The following KCNN2 variants were observed in gnomAD, a reference collection of about 807,000 sequenced individuals.
The protein encoded by KCNN2 is small conductance calcium-activated potassium channel protein 2.
Under a neutral mutation model 55.5 loss-of-function variants are expected in KCNN2, and 24 were observed. The observed-to-expected ratio is 0.43, with a 90% CI of 0.31 to 0.61. KCNN2 has a LOEUF of 0.61. Among genes scored for constraint, KCNN2 ranks in the 20% least tolerant of loss-of-function variants. The probability of loss-of-function intolerance (pLI) is 0.08; values close to 1 mark genes in which losing one functional copy is unlikely to be tolerated. For synonymous variants in KCNN2, 431 were observed against 336.1 expected, an observed-to-expected ratio of 1.28 and a Z score of -3.09; for missense variants, 754 against 853.6, an observed-to-expected ratio of 0.88 and a Z score of 1.45.
At chr5:114,158,559 T>C (rs1580569861) in intron 1 of KCNN2, among the ~76,000 whole-genome samples, 1 of 152,070 alleles carries the variant, frequency 6.6e-6, no homozygotes, top group Non-Finnish European at 1.5e-5. Context: ...GGTAGCTTGA[T>C]GGGGATGGCA....
At chr5:114,163,698 T>C (rs1388770751) in intron 1 of KCNN2, among the ~76,000 whole-genome samples, 1 of 152,170 alleles carries the variant, frequency 6.6e-6, no homozygotes, top group East Asian at 1.9e-4. Flanking sequence ...GATGTGCATC[T>C]CCTGGTAATA....
At chr5:114,386,605 T>C (rs1199902987) in intron 2 of KCNN2, among the ~76,000 whole-genome samples, 1 of 152,222 alleles carries the variant, frequency 6.6e-6, no homozygotes, top group African/African-American at 2.4e-5. Context: ...TAGGTTTGAA[T>C]TTAATGTGAT....
rs552369800 is a variant in KCNN2, at chr5:114,161,166, C to T, written c.-270-60314C>T. 1.9e-4 allele frequency among the ~76,000 whole-genome samples: 29 copies of T among 152,232 alleles called. No individual in the cohort carries two copies. The East Asian group carries it at 2.3e-3, about 12-fold the overall frequency. ...ACTGGTTTTTCCTTTCCATGTTTAGCGCTTCCTTCAGGAGCTCTTTTAGGG... is the reference window on the plus strand; with the variant it reads ...ACTGGTTTTTCCTTTCCATGTTTAGTGCTTCCTTCAGGAGCTCTTTTAGGG... On this transcript the variant is annotated intron_variant, in intron 1 of 10. Transcript: ENST00000512097.
chr5:114,473,019 A>G (rs1352093188), intron 4 of KCNN2, 35 bp from the exon 5 acceptor site: 1 of 1,290,904 alleles, frequency 7.7e-7, no homozygotes, highest in Non-Finnish European at 1.1e-6. Flanking sequence ...AGTAGTTAGT[A>G]ATGCTTTGGG....
chr5:114,309,355 AG>A, intron 2 of KCNN2, among the ~76,000 whole-genome samples: 1 of 152,200 alleles, frequency 6.6e-6, no homozygotes, highest in Non-Finnish European at 1.5e-5. Context: ...CACGGGAAGC[AG>A]GCTCACACAA....
intron 1 of KCNN2, among the ~76,000 whole-genome samples, chr5:114,157,369 T>G (rs1580568261): frequency 6.6e-6 from 1 of 152,078 alleles, no homozygotes; most frequent in Non-Finnish European, 1.5e-5. Context: ...TATTCCCTGG[T>G]GTATATGTGC....
chr5:114,189,148 G>GTGTC (rs1753398545), intron 1 of KCNN2, among the ~76,000 whole-genome samples: 1 of 151,592 alleles, frequency 6.6e-6, no homozygotes, highest in African/African-American at 2.4e-5. Context: ...GTGTGTGTGT[G>GTGTC]TGTGTGTATG....
chr5:114,285,054 G>A (rs1368858883), intron 2 of KCNN2, among the ~76,000 whole-genome samples: 4 of 151,394 alleles, frequency 2.6e-5, no homozygotes, highest in East Asian at 2.0e-4. Context: ...AGGCTGAGGC[G>A]GGCGGATCAC....
At chr5:114,413,262 C>CTTGTTTTGTT (rs1002000419) in intron 3 of KCNN2, among the ~76,000 whole-genome samples, 4 of 152,168 alleles carry the variant, frequency 2.6e-5, no homozygotes, top group Admixed American at 6.5e-5. Context: ...AGATATGCTT[C>CTTGTTTTGTT]TTGTTTTGTT....
chr5:114,304,827 T>C (rs1004506998), intron 2 of KCNN2, among the ~76,000 whole-genome samples: 2 of 152,214 alleles, frequency 1.3e-5, no homozygotes, highest in African/African-American at 4.8e-5. Flanking sequence ...GTAGTGTACA[T>C]GTTACCTTCA....
At chr5:114,133,702 A>G (rs1752114373) in intron 1 of KCNN2, among the ~76,000 whole-genome samples, 1 of 152,222 alleles carries the variant, frequency 6.6e-6, no homozygotes, top group Non-Finnish European at 1.5e-5. Flanking sequence ...TCAGGTCTTT[A>G]TATGGGGAAT....
intron 2 of KCNN2, among the ~76,000 whole-genome samples, chr5:114,272,469 A>G (rs1000448648): frequency 1.3e-5 from 2 of 151,686 alleles, no homozygotes; most frequent in Admixed American, 6.6e-5. Flanking sequence ...CATATCATAC[A>G]CACATATGTA....
At chr5:114,320,630 T>A (rs1262141401) in intron 2 of KCNN2, among the ~76,000 whole-genome samples, 9 of 146,228 alleles carry the variant, frequency 6.2e-5, no homozygotes, top group African/African-American at 1.8e-4. Flanking sequence ...AAAAAAAAAA[T>A]GTTCATCCAA....
chr5:114,083,412 G>A (rs1006114995), intron 1 of KCNN2, among the ~76,000 whole-genome samples: 6 of 151,842 alleles, frequency 4.0e-5, no homozygotes, highest in East Asian at 3.9e-4. Context: ...CTAAATATGC[G>A]TTAGTTGAAT....
chr5:114,068,231 A>G (rs562446391), intron 1 of KCNN2, among the ~76,000 whole-genome samples: 2 of 152,374 alleles, frequency 1.3e-5, no homozygotes, highest in Admixed American at 6.5e-5. Flanking sequence ...TTAGAGGTCA[A>G]TAGTCCTTGG....
At chr5:114,411,486 C>T (rs1365270194) in intron 3 of KCNN2, among the ~76,000 whole-genome samples, 1 of 152,084 alleles carries the variant, frequency 6.6e-6, no homozygotes, top group African/African-American at 2.4e-5. Flanking sequence ...GTCTAAAAGC[C>T]TCAGATCCAA....
At chr5:114,066,641 G>A (rs1561461008) in intron 1 of KCNN2, among the ~76,000 whole-genome samples, 1 of 152,150 alleles carries the variant, frequency 6.6e-6, no homozygotes, top group African/African-American at 2.4e-5. Flanking sequence ...GTGCAGTGGC[G>A]TGATCTCGGC....
In KCNN2 at chr5:114,152,158, AT is replaced by A. The variant is rs575615997; in HGVS notation, c.-270-69313del. Among the ~76,000 whole-genome samples, 563 of 150,608 alleles carry A rather than the reference AT, an allele frequency of 3.7e-3. 4 individuals carry two copies. The highest frequency in any genetic ancestry group is 0.013 in the African/African-American group (531 of 41,112). On this transcript the variant is annotated intron_variant, in intron 1 of 10. Coordinates refer to the KCNN2 transcript ENST00000512097. ...ATGTCTCATTATAGTTCCAATTACC[AT>A]TTTTTTTTGCTACATTAATTTAGAT...
At chr5:114,356,986 C>T (rs1757305201) in intron 2 of KCNN2, among the ~76,000 whole-genome samples, 1 of 152,052 alleles carries the variant, frequency 6.6e-6, no homozygotes, top group South Asian at 2.1e-4. Context: ...ATCACAACCT[C>T]TGCGTTTGGC....
Sources: allele counts gnomAD v4.1 joint callset (sites outside exome capture counted in the v4.1 genomes callset), GRCh38; gene constraint gnomAD v4.1.1; transcripts MANE v1.5; gene names NCBI Gene and HGNC (gene_info 2026-07-23, HGNC 2026-07-21).